SFXN2: variants seen among roughly 807,000 people sequenced by gnomAD.
SFXN2 encodes sideroflexin 2.
SFXN2 carries 37 observed loss-of-function variants against 41.9 expected under a neutral mutation model. The ratio of observed to expected loss-of-function variants is 0.88; its 90% CI spans 0.68 to 1.16. The LOEUF (loss-of-function observed/expected upper bound fraction) is 1.16. Ranked by LOEUF, SFXN2 falls within the 50% of genes most tolerant of loss-of-function variation. SFXN2 has a pLI of 0.00. For synonymous variants in SFXN2, 150 were observed against 156.7 expected, an observed-to-expected ratio of 0.96 and a Z score of 0.32; for missense variants, 386 against 425.2, an observed-to-expected ratio of 0.91 and a Z score of 0.81.
At chr10:102,732,466 A>G (rs993234220) in intron 8 of SFXN2, among the ~76,000 whole-genome samples, 3 of 152,198 alleles carry the variant, frequency 2.0e-5, no homozygotes, top group African/African-American at 7.2e-5. Context: ...TTAATGTTAG[A>G]CACAGTGTGG....
intron 5 of SFXN2, 108 bp from the exon 6 acceptor site, chr10:102,729,614 TG>T: frequency 8.1e-7 from 1 of 1,232,984 alleles, no homozygotes; most frequent in Non-Finnish European, 1.2e-6. Flanking sequence ...TCTGGATGTG[TG>T]GCGGTAGCAA....
chr10:102,727,959 T>C (rs1045843943), intron 3 of SFXN2, among the ~76,000 whole-genome samples: 1 of 151,960 alleles, frequency 6.6e-6, no homozygotes. Context: ...GGGGAGATAT[T>C]TGAGGCAGAG....
In SFXN2 at chr10:102,741,272, GAA is replaced by G. The variant is rs375922746; in HGVS notation, c.*3512_*3513del. The G allele has an allele frequency of 7.2e-5, 11 of 152,182 alleles. No homozygotes were observed. The highest frequency in any genetic ancestry group is 2.4e-4 in the African/African-American group (10 of 41,446). 9.4% of individuals were successfully genotyped at this position (152,182 alleles called of 1,614,324 possible). On this transcript the variant is annotated 3_prime_UTR_variant, in exon 12 of 12. Coordinates refer to ENST00000369893, the MANE Select transcript of SFXN2 (RefSeq NM_178858.6). Reference sequence around the variant, plus strand: ...AATTGGGGTTTCTTATTTATTGAGAGAAAGAGGGTATCACTTTCTTGCCCAGG... The same window carrying G: ...AATTGGGGTTTCTTATTTATTGAGAGAGAGGGTATCACTTTCTTGCCCAGG...
Position 102,737,888 on chromosome 10 carries a change from G to T in SFXN2, c.*126G>T. ...GAAGGCCAGGGTAGATTGGGGGGTG[G>T]GACAATGAATGCCTCATACTTACAC... On this transcript the variant is annotated 3_prime_UTR_variant, in exon 12 of 12. Coordinates refer to ENST00000369893, the MANE Select transcript of SFXN2 (RefSeq NM_178858.6). 1 of 622,334 alleles carries T rather than the reference G, an allele frequency of 1.6e-6. No individual in the cohort carries two copies. 38.6% of individuals were successfully genotyped at this position (622,334 alleles called of 1,614,324 possible). A position where few individuals can be genotyped will look rare whatever the true frequency, so the allele number is the denominator to read the frequency against.
rs927949437 is a variant in SFXN2, at chr10:102,741,421, A to C, written c.*3659A>C. ...TGAGTTCGGCTAGAATAGCATGGGT[A>C]AAAGGTTCCATTGCTCGGGAGAGGA... On this transcript the variant is annotated 3_prime_UTR_variant, in exon 12 of 12. Coordinates refer to ENST00000369893, the MANE Select transcript of SFXN2 (RefSeq NM_178858.6). The C allele has an allele frequency of 6.6e-6, 1 of 152,230 alleles. No homozygotes were observed. Among genetic ancestry groups the C allele is most frequent in the Non-Finnish European group, 1.5e-5 (1 of 68,062 alleles). 9.4% of individuals were successfully genotyped at this position (152,230 alleles called of 1,614,324 possible).
chr10:102,715,981 C>T (rs908194921), intron 1 of SFXN2, among the ~76,000 whole-genome samples: 1 of 151,260 alleles, frequency 6.6e-6, no homozygotes, highest in Non-Finnish European at 1.5e-5. Context: ...TGCTTGCATA[C>T]CTGCTTCAGA....
intron 1 of SFXN2, among the ~76,000 whole-genome samples, chr10:102,719,084 C>T (rs1460686063): frequency 2.0e-5 from 3 of 151,752 alleles, no homozygotes; most frequent in South Asian, 2.1e-4. Flanking sequence ...CCACCACGCC[C>T]GGCTAATTTT....
Position 102,727,043 on chromosome 10 carries a change from T to C in SFXN2, c.218T>C (p.Leu73Pro), listed in dbSNP as rs200997238. 151 of 1,609,344 alleles carry C rather than the reference T, an allele frequency of 9.4e-5. No individual in the cohort carries two copies. The East Asian group carries it at 3.3e-3, about 35-fold the overall frequency. ...GAGCAGCTGCTGTATGCCAAGAAGC[T>C]GTATGACTCGGCCTTCCACCCCGAC... ...QVEQLLYAKK[L>P]YDSAFHPDTG... is the part of the protein sequence containing the mutation. The change falls in exon 3 of 12, where the codon CTG becomes CCG. Residue 73 changes from leucine (L) to proline (P), a missense_variant. Transcript: ENST00000369893.
At chr10:102,736,983 C>G (rs982110547) in intron 11 of SFXN2, among the ~76,000 whole-genome samples, 1 of 151,730 alleles carries the variant, frequency 6.6e-6, no homozygotes. Flanking sequence ...GGAGAAACCC[C>G]GTCTCTACTA....
intron 1 of SFXN2, chr10:102,715,059 G>A (rs541627503): frequency 6.5e-6 from 1 of 152,754 alleles, no homozygotes; most frequent in Non-Finnish European, 1.5e-5. Context: ...TTGACACAGG[G>A]TGTCGCTCTG....
At chr10:102,726,940 A>G (rs752596743) in intron 2 of SFXN2, 47 bp from the exon 3 acceptor site, 132 of 1,583,842 alleles carry the variant, frequency 8.3e-5, no homozygotes, top group Admixed American at 1.7e-4. Context: ...AGACTGGGAG[A>G]CATTGATCAG....
At chr10:102,724,981 T>C (rs1311604317) in intron 1 of SFXN2, 5 of 151,820 alleles carry the variant, frequency 3.3e-5, no homozygotes, top group Non-Finnish European at 7.4e-5. Context: ...ATGTACCCTG[T>C]GAGAGGAACT....
chr10:102,726,397 T>G (rs2064593841), intron 1 of SFXN2: 1 of 548,790 alleles, frequency 1.8e-6, no homozygotes, highest in Non-Finnish European at 3.3e-6. Flanking sequence ...TGCTGTATGG[T>G]CAAGCACAGA....
At chr10:102,732,759 C>A in intron 8 of SFXN2, 100 bp from the exon 9 acceptor site, 3 of 1,229,444 alleles carry the variant, frequency 2.4e-6, no homozygotes, top group Middle Eastern at 2.1e-4. Context: ...GGAGCTTCTG[C>A]TGAAGGAGAG....
At chr10:102,732,299 G>T (rs2064716393) in intron 8 of SFXN2, 81 bp downstream of exon 8, 1 of 1,302,476 alleles carries the variant, frequency 7.7e-7, no homozygotes, top group Non-Finnish European at 1.1e-6. Flanking sequence ...TTTTGGGTGG[G>T]AGGTGGGGCC....
chr10:102,727,053 G>A lies in SFXN2; in HGVS notation c.228G>A (p.Ser76=), dbSNP rs140676454. Reference sequence around the variant, plus strand: ...TGTATGCCAAGAAGCTGTATGACTCGGCCTTCCACCCCGACACTGGGGAGA... The same window carrying A: ...TGTATGCCAAGAAGCTGTATGACTCAGCCTTCCACCCCGACACTGGGGAGA... The part of the protein sequence containing the change: ...QLLYAKKLYD[S]AFHPDTGEKM... The change falls in exon 3 of 12, where the codon TCG becomes TCA. Residue 76 remains serine, a synonymous_variant. Transcript: ENST00000369893. 6.2e-6 allele frequency: 10 copies of A among 1,609,956 alleles called. No homozygotes were observed. The South Asian group carries it at 6.6e-5, about 11-fold the overall frequency.
chr10:102,732,815 G>C (rs767487207), intron 8 of SFXN2, 44 bp from the exon 9 acceptor site: 30 of 1,609,728 alleles, frequency 1.9e-5, no homozygotes, highest in Non-Finnish European at 2.4e-5. Flanking sequence ...GTCCTGGGGA[G>C]AGCCTCCCAG....
intron 1 of SFXN2, chr10:102,715,375 G>T (rs1406110708): frequency 6.6e-6 from 1 of 152,360 alleles, no homozygotes; most frequent in Non-Finnish European, 1.5e-5. Context: ...AAGCTGCTTT[G>T]GACAGGACCG....
intron 6 of SFXN2, 129 bp downstream of exon 6, chr10:102,729,937 AG>A: frequency 9.9e-7 from 1 of 1,009,478 alleles, no homozygotes; most frequent in Non-Finnish European, 1.5e-6. Flanking sequence ...GAGCCTCTGA[AG>A]GGCCCTGGGA....
Sources: allele counts gnomAD v4.1 joint callset (sites outside exome capture counted in the v4.1 genomes callset), GRCh38; gene constraint gnomAD v4.1.1; transcripts MANE v1.5; gene names NCBI Gene and HGNC (gene_info 2026-07-23, HGNC 2026-07-21).